Variants in ZCCHC7 observed in about 807,000 individuals in gnomAD.
ZCCHC7 encodes zinc finger CCHC domain-containing protein 7.
Under a neutral mutation model 52.0 loss-of-function variants are expected in ZCCHC7, and 35 were observed. The ratio of observed to expected loss-of-function variants is 0.67; its 90% CI spans 0.51 to 0.89. The LOEUF (loss-of-function observed/expected upper bound fraction) is 0.89. Ranked by LOEUF, ZCCHC7 falls within the 40% of genes least tolerant of loss-of-function variation. The pLI is 0.00. For missense variants in ZCCHC7, 574 were observed against 649.1 expected (o/e 0.88, Z 1.26); for synonymous variants, 217 against 221.5 (o/e 0.98, Z 0.18).
intron 2 of ZCCHC7, among the ~76,000 whole-genome samples, chr9:37,282,020 CT>C (rs1827980433): frequency 6.6e-6 from 1 of 152,160 alleles, no homozygotes; most frequent in Non-Finnish European, 1.5e-5. Flanking sequence ...TTTTAATTCT[CT>C]TCTATCTTAA....
intron 2 of ZCCHC7, among the ~76,000 whole-genome samples, chr9:37,165,176 C>G (rs1477763109): frequency 1.3e-5 from 2 of 152,066 alleles, no homozygotes; most frequent in Non-Finnish European, 2.9e-5. Context: ...ATCTTGATTC[C>G]TATAACTTTG....
intron 2 of ZCCHC7, among the ~76,000 whole-genome samples, chr9:37,268,817 G>T (rs1403323158): frequency 1.3e-5 from 2 of 152,198 alleles, no homozygotes; most frequent in African/African-American, 2.4e-5. Context: ...TGAATAGGGT[G>T]CCATCACCTT....
chr9:37,244,258 A>ATT, intron 2 of ZCCHC7, among the ~76,000 whole-genome samples: 1 of 151,440 alleles, frequency 6.6e-6, no homozygotes, highest in South Asian at 2.1e-4. Flanking sequence ...GAAAAAAAAA[A>ATT]AAAGAAAGAA....
chr9:37,204,710 C>T (rs1588476616), intron 2 of ZCCHC7, among the ~76,000 whole-genome samples: 1 of 151,782 alleles, frequency 6.6e-6, no homozygotes, highest in East Asian at 1.9e-4. Flanking sequence ...GTTACTGTAG[C>T]CTTGTAGTAT....
chr9:37,350,428 G>T (rs533689092), intron 7 of ZCCHC7, among the ~76,000 whole-genome samples: 2 of 152,150 alleles, frequency 1.3e-5, no homozygotes, highest in African/African-American at 4.8e-5. Flanking sequence ...CACTGCGCCC[G>T]GCCCAATTTT....
chr9:37,162,362 C>T (rs1821153314), intron 2 of ZCCHC7, among the ~76,000 whole-genome samples: 1 of 152,112 alleles, frequency 6.6e-6, no homozygotes. Flanking sequence ...CCAGAAGTCC[C>T]TCATGTTCCT....
In ZCCHC7 at chr9:37,175,352, C is replaced by T. The variant is rs542381619; in HGVS notation, c.610+48410C>T. Among the ~76,000 whole-genome samples, 7 of 152,204 alleles carry T rather than the reference C, an allele frequency of 4.6e-5. No individual in the cohort carries two copies. In the South Asian group the frequency reaches 1.2e-3, roughly 27 times the overall value. On this transcript the variant is annotated intron_variant, in intron 2 of 8. Transcript: ENST00000336755. ...GTTTTTGTTCTGGCAGCTCTAGCTTCGATTTTCTGTGATTCCTAATATTTC... is the reference window on the plus strand; with the variant it reads ...GTTTTTGTTCTGGCAGCTCTAGCTTTGATTTTCTGTGATTCCTAATATTTC...
At chr9:37,307,495 C>T (rs1442036647) in intron 5 of ZCCHC7, among the ~76,000 whole-genome samples, 1 of 152,086 alleles carries the variant, frequency 6.6e-6, no homozygotes, top group Non-Finnish European at 1.5e-5. Flanking sequence ...AGGGGTGTCT[C>T]TCATTCTCTT....
intron 2 of ZCCHC7, 133 bp from the exon 3 acceptor site, chr9:37,302,055 A>C: frequency 1.4e-6 from 1 of 711,322 alleles, no homozygotes; most frequent in Middle Eastern, 2.9e-4. Flanking sequence ...CCAAAATAGG[A>C]ATTTCAGGTA....
chr9:37,178,488 AG>A (rs1822176910), intron 2 of ZCCHC7, among the ~76,000 whole-genome samples: 1 of 152,018 alleles, frequency 6.6e-6, no homozygotes, highest in African/African-American at 2.4e-5. Flanking sequence ...GAAAGTAGAA[AG>A]AGAGGAAAGG....
chr9:37,176,768 A>T (rs1031804341), intron 2 of ZCCHC7, among the ~76,000 whole-genome samples: 11 of 152,296 alleles, frequency 7.2e-5, no homozygotes, highest in South Asian at 6.2e-4. Flanking sequence ...TGCTTAAATC[A>T]TATAGGATTC....
chr9:37,231,810 T>C (rs959344004), intron 2 of ZCCHC7, among the ~76,000 whole-genome samples: 4 of 152,314 alleles, frequency 2.6e-5, no homozygotes, highest in Middle Eastern at 3.4e-3. Context: ...GACTTAGTAC[T>C]CTGTTCTTTG....
intron 2 of ZCCHC7, among the ~76,000 whole-genome samples, chr9:37,180,382 T>C (rs1414014052): frequency 3.9e-5 from 6 of 152,078 alleles, no homozygotes; most frequent in Non-Finnish European, 5.9e-5. Flanking sequence ...TAAGTAAAAC[T>C]GGGTTAAAAA....
intron 2 of ZCCHC7, among the ~76,000 whole-genome samples, chr9:37,253,622 TA>T (rs1331426439): frequency 6.6e-6 from 1 of 151,408 alleles, no homozygotes; most frequent in Non-Finnish European, 1.5e-5. Context: ...GAGATTCACA[TA>T]AAAAAAAATT....
chr9:37,277,101 G>C (rs934376254), intron 2 of ZCCHC7, among the ~76,000 whole-genome samples: 1 of 152,090 alleles, frequency 6.6e-6, no homozygotes, highest in African/African-American at 2.4e-5. Context: ...ACCAAGTATA[G>C]ACTCATTCTT....
chr9:37,302,184 G>A lies in ZCCHC7; in HGVS notation c.611-4G>A. The stretch of plus-strand genomic sequence containing the variant: ...GGTTAAGTAATAATTTATTTGTTTT[G>A]TAGGAGAAGATGGTATAAACTGGTC... On this transcript the variant is annotated splice_region_variant and splice_polypyrimidine_tract_variant and intron_variant, in intron 2 of 8. Transcript: ENST00000336755. 2 of 1,606,022 alleles carry A rather than the reference G, an allele frequency of 1.2e-6. No homozygotes were observed. The highest frequency in any genetic ancestry group is 2.2e-5 in the East Asian group (1 of 44,732).
intron 2 of ZCCHC7, among the ~76,000 whole-genome samples, chr9:37,164,458 TAGA>T (rs1336764617): frequency 2.2e-5 from 3 of 136,228 alleles, no homozygotes; most frequent in Admixed American, 7.1e-5. Context: ...GATAGATAGA[TAGA>T]TAGATAGATA....
intron 6 of ZCCHC7, among the ~76,000 whole-genome samples, chr9:37,348,019 C>T (rs1431818407): frequency 1.3e-5 from 2 of 152,204 alleles, no homozygotes; most frequent in Non-Finnish European, 2.9e-5. Context: ...AGGGTTCCTT[C>T]CTCAGCCCAC....
In ZCCHC7 at chr9:37,306,762, C is replaced by CTTTTTT. The variant is rs869292704; in HGVS notation, c.951+1085_951+1090dup. ...ACAGGCATGAGCCACTGTACCCGAC[C>CTTTTTT]TTTTTTTTTTTTTTTTTTTTTTTTT... is the stretch of plus-strand genomic sequence containing the variant. On this transcript the variant is annotated intron_variant, in intron 5 of 8. Coordinates refer to ENST00000336755, the MANE Select transcript of ZCCHC7 (RefSeq NM_032226.3). Among the ~76,000 whole-genome samples, 48 of 52,032 alleles carry CTTTTTT rather than the reference C, an allele frequency of 9.2e-4. 10 individuals carry two copies. Among genetic ancestry groups the CTTTTTT allele is most frequent in the East Asian group, 2.1e-3 (3 of 1,458 alleles). The allele number at this position is 52,032 out of a possible 152,430, so 34.1% of individuals were successfully genotyped here. A position where few individuals can be genotyped will look rare whatever the true frequency, so the allele number is the denominator to read the frequency against.
Sources: gnomAD v4.1 joint callset for allele counts (sites outside exome capture counted in the v4.1 genomes callset) on GRCh38, gnomAD v4.1.1 for gene constraint, MANE v1.5 for transcripts, NCBI Gene and HGNC (gene_info 2026-07-23, HGNC 2026-07-21) for gene names.